SLC28A1: variants seen among roughly 807,000 people sequenced by gnomAD.
SLC28A1 encodes the protein solute carrier family 28 member 1, also known as sodium/nucleoside cotransporter 1.
In SLC28A1, 64 loss-of-function variants were observed where a neutral mutation model predicts 74.8. The ratio of observed to expected loss-of-function variants is 0.86; its 90% confidence interval spans 0.70 to 1.05. The LOEUF is 1.05. SLC28A1 is among the 50% of genes least tolerant of loss of function. The pLI is 0.00. For missense variants in SLC28A1, 828 were observed against 822.8 expected (o/e 1.01, Z -0.08); for synonymous variants, 359 against 335.0 (o/e 1.07, Z -0.78).
chr15:84,931,869 G>C (rs942192434), intron 12 of SLC28A1, among the ~76,000 whole-genome samples: 2 of 151,882 alleles, frequency 1.3e-5, no homozygotes, highest in Non-Finnish European at 2.9e-5. Flanking sequence ...GGGCGTGGTG[G>C]TGCACACCTG....
At chr15:84,912,585 C>T (rs912668205) in intron 9 of SLC28A1, among the ~76,000 whole-genome samples, 1 of 152,150 alleles carries the variant, frequency 6.6e-6, no homozygotes, top group Non-Finnish European at 1.5e-5. Context: ...CATGATCATA[C>T]TCCCCTGGGT....
intron 6 of SLC28A1, chr15:84,895,534 G>A: frequency 6.4e-7 from 1 of 1,555,402 alleles, no homozygotes. Context: ...GCCTCCAGGG[G>A]ATTCTGATGT....
intron 5 of SLC28A1, 88 bp downstream of exon 5, chr15:84,890,622 T>C (rs1965265583): frequency 9.3e-7 from 1 of 1,074,180 alleles, no homozygotes; most frequent in Non-Finnish European, 1.4e-6. Context: ...ACTCACCCAG[T>C]CATTCAACAA....
intron 12 of SLC28A1, among the ~76,000 whole-genome samples, chr15:84,928,701 A>G (rs1198549528): frequency 2.0e-5 from 3 of 147,616 alleles, no homozygotes; most frequent in African/African-American, 7.6e-5. Flanking sequence ...TCGGCTCACT[A>G]CAACCTCCAC....
chr15:84,890,408 C>G (rs752345181), intron 4 of SLC28A1, 35 bp from the exon 5 acceptor site: 4 of 1,493,364 alleles, frequency 2.7e-6, no homozygotes, highest in Non-Finnish European at 9.2e-7. Context: ...GGGGTCTGCT[C>G]ATGCACTCAT....
In SLC28A1 at chr15:84,904,533, C is replaced by T. The variant is rs370456477; in HGVS notation, c.603+295C>T. On this transcript the variant is annotated intron_variant, in intron 7 of 18. Transcript: ENST00000394573. ...TTCAGGTCTGTAGGCTCAGGAACCA[C>T]CTCCACCCCCAACCACAGAAAACAC... 8.5e-5 allele frequency among the ~76,000 whole-genome samples: 13 copies of T among 152,334 alleles called. 2 individuals carry two copies. In the South Asian group the frequency reaches 2.5e-3, roughly 29 times the overall value.
rs910933479 is a variant in SLC28A1, at chr15:84,905,407, A to G, written c.604-132A>G. The G allele has an allele frequency of 8.6e-6, 6 of 697,610 alleles. No homozygotes were observed. The African/African-American group carries it at 1.0e-4, about 12-fold the overall frequency. 43.2% of individuals were successfully genotyped at this position (697,610 alleles called of 1,614,324 possible). A position where few individuals can be genotyped will look rare whatever the true frequency, so the allele number is the denominator to read the frequency against. The stretch of plus-strand genomic sequence containing the variant: ...CCCAGGGAGGGTGTGACCACTGGCA[A>G]CAGGCCTAGTACTCTGCCTGGCTCC... On this transcript the variant is annotated intron_variant, in intron 7 of 18. Coordinates refer to ENST00000394573, the MANE Select transcript of SLC28A1 (RefSeq NM_004213.5).
chr15:84,939,450 G>A (rs1446985346), intron 15 of SLC28A1, among the ~76,000 whole-genome samples: 2 of 152,124 alleles, frequency 1.3e-5, no homozygotes, highest in African/African-American at 2.4e-5. Flanking sequence ...ACTGTAGGTG[G>A]GCAAGCAGAG....
intron 6 of SLC28A1, among the ~76,000 whole-genome samples, chr15:84,899,940 A>AAGG (rs1966437006): frequency 3.4e-4 from 47 of 136,918 alleles, no homozygotes; most frequent in Middle Eastern, 3.6e-3. Context: ...AGAAAGAAAG[A>AAGG]AAGGAAGGAA....
intron 16 of SLC28A1, 133 bp from the exon 17 acceptor site, chr15:84,944,433 A>G (rs1973073910): frequency 1.2e-5 from 9 of 723,044 alleles, no homozygotes; most frequent in Admixed American, 1.0e-4. Context: ...AGCTGTCAGG[A>G]GGACAACATC....
chr15:84,911,905 T>TCAGTGGTG (rs1015265791), intron 9 of SLC28A1, among the ~76,000 whole-genome samples: 2 of 148,790 alleles, frequency 1.3e-5, no homozygotes, highest in Admixed American at 6.7e-5. Flanking sequence ...TAAAAATGTA[T>TCAGTGGTG]CAGTGGTGGC....
intron 1 of SLC28A1, among the ~76,000 whole-genome samples, chr15:84,885,148 G>T (rs909734712): frequency 2.6e-5 from 4 of 151,574 alleles, no homozygotes; most frequent in African/African-American, 9.7e-5. Flanking sequence ...TAGTAGAGAC[G>T]GGGTTTCACC....
chr15:84,885,369 A>G lies in SLC28A1; in HGVS notation c.-133+618A>G, dbSNP rs759248232. On this transcript the variant is annotated intron_variant, in intron 1 of 18. Coordinates refer to ENST00000394573, the MANE Select transcript of SLC28A1 (RefSeq NM_004213.5). The stretch of plus-strand genomic sequence containing the variant: ...TCTGCTAGAAAAATCAAATTATGAG[A>G]ACACTGTTACTGTGTGATCCCCTAT... 2.6e-5 allele frequency among the ~76,000 whole-genome samples: 4 copies of G among 151,756 alleles called. No individual in the cohort carries two copies. The South Asian group carries it at 6.2e-4, about 24-fold the overall frequency.
chr15:84,925,351 C>T (rs372668666), intron 12 of SLC28A1, among the ~76,000 whole-genome samples: 2 of 152,040 alleles, frequency 1.3e-5, no homozygotes, highest in Admixed American at 6.6e-5. Context: ...GAATCAGAAA[C>T]GATGGGGGAT....
At position 84,945,302 on chromosome 15, in the gene SLC28A1, C is replaced by T; in HGVS notation, c.*102C>T. 9.1e-7 allele frequency: 1 copy of T among 1,094,910 alleles called. No homozygotes were observed. The highest frequency in any genetic ancestry group is 1.9e-5 in the Admixed American group (1 of 52,972). The allele number at this position is 1,094,910 out of a possible 1,614,324, so 67.8% of individuals were successfully genotyped here. A position where few individuals can be genotyped will look rare whatever the true frequency, so the allele number is the denominator to read the frequency against. ...CCCAGAGCCCTCTTCAGGGAAGCCACAGGACTTAGACCCAGCTCAATCCCA... is the reference window on the plus strand; with the variant it reads ...CCCAGAGCCCTCTTCAGGGAAGCCATAGGACTTAGACCCAGCTCAATCCCA... On this transcript the variant is annotated 3_prime_UTR_variant, in exon 19 of 19. Coordinates refer to ENST00000394573, the MANE Select transcript of SLC28A1 (RefSeq NM_004213.5).
chr15:84,944,421 C>T, intron 16 of SLC28A1, 145 bp from the exon 17 acceptor site: 1 of 705,088 alleles, frequency 1.4e-6, no homozygotes, highest in Non-Finnish European at 2.6e-6. Context: ...CTGAGCTCAG[C>T]AAGCTGTCAG....
chr15:84,947,199 G>A (rs780094464), downstream of SLC28A1, among the ~76,000 whole-genome samples: 84 of 152,342 alleles, frequency 5.5e-4, no homozygotes, highest in Non-Finnish European at 9.7e-4. Context: ...CCTGACTCCT[G>A]TAGCTCCAGC....
intron 12 of SLC28A1, among the ~76,000 whole-genome samples, chr15:84,925,772 T>C (rs866659746): frequency 6.6e-6 from 1 of 151,550 alleles, no homozygotes; most frequent in South Asian, 2.1e-4. Flanking sequence ...ATACTTTCTC[T>C]CTCTTTTTTT....
Position 84,945,311 on chromosome 15 carries a change from G to A in SLC28A1, c.*111G>A, listed in dbSNP as rs1409800217. On this transcript the variant is annotated 3_prime_UTR_variant, in exon 19 of 19. Coordinates refer to ENST00000394573, the MANE Select transcript of SLC28A1 (RefSeq NM_004213.5). ...CTCTTCAGGGAAGCCACAGGACTTAGACCCAGCTCAATCCCACAATTGGGA... is the reference window on the plus strand; with the variant it reads ...CTCTTCAGGGAAGCCACAGGACTTAAACCCAGCTCAATCCCACAATTGGGA... 8.2e-6 allele frequency: 8 copies of A among 972,356 alleles called. No individual in the cohort carries two copies. In the East Asian group the frequency reaches 2.0e-4, roughly 24 times the overall value. The allele number at this position is 972,356 out of a possible 1,614,324, so 60.2% of individuals were successfully genotyped here.
Sources: gnomAD v4.1 joint callset for allele counts (sites outside exome capture counted in the v4.1 genomes callset) on GRCh38, gnomAD v4.1.1 for gene constraint, MANE v1.5 for transcripts, NCBI Gene and HGNC (gene_info 2026-07-23, HGNC 2026-07-21) for gene names.